The following MFSD12 variants were observed in gnomAD, a reference collection of about 807,000 sequenced individuals.
MFSD12 encodes the protein major facilitator superfamily domain containing 12.
In MFSD12, 67 loss-of-function variants were observed where a neutral mutation model predicts 51.2. The observed-to-expected ratio is 1.31, with a 90% CI of 1.08 to 1.60. The LOEUF is 1.60. Among genes scored for constraint, MFSD12 ranks in the 40% most tolerant of loss-of-function variants. The pLI is 0.00. For missense variants in MFSD12, 921 were observed against 673.0 expected, an observed-to-expected ratio of 1.37 and a Z score of -4.08; for synonymous variants, 441 against 316.7, an observed-to-expected ratio of 1.39 and a Z score of -4.17.
At chr19:3,554,660 A>T (rs2031646962) in intron 1 of MFSD12, among the ~76,000 whole-genome samples, 3 of 152,088 alleles carry the variant, frequency 2.0e-5, no homozygotes, top group African/African-American at 7.2e-5. Context: ...TCAAAACCTC[A>T]AAGTTAATGT....
rs373445296 is a variant in MFSD12 at position 3,551,221 on chromosome 19, G to A, written c.299-27C>T. The A allele has an allele frequency of 5.8e-6, 9 of 1,551,360 alleles. No individual in the cohort carries two copies. The highest frequency in any genetic ancestry group is 4.5e-4 in the Middle Eastern group (2 of 4,474). ...TGTGGAAGGCAGAGTGGTCAGTCGC[G>A]GGGCTGTCCCGCACCAGCCAGGGCT... On this transcript the variant is annotated intron_variant, in intron 1 of 9. Coordinates refer to ENST00000355415, the MANE Select transcript of MFSD12 (RefSeq NM_174983.5). This position sits in a 1 kb window ranked among gnomAD's most constrained non-coding sequence, Gnocchi z 4.6.
intron 8 of MFSD12, among the ~76,000 whole-genome samples, chr19:3,545,253 C>A (rs2030895724): frequency 6.6e-6 from 1 of 152,226 alleles, no homozygotes; most frequent in Non-Finnish European, 1.5e-5. Context: ...GTCCTCCCGG[C>A]AGCAACCACC....
chr19:3,545,197 C>A (rs1316953624), intron 8 of MFSD12, among the ~76,000 whole-genome samples: 1 of 152,204 alleles, frequency 6.6e-6, no homozygotes, highest in African/African-American at 2.4e-5. Context: ...GCATGGCCCG[C>A]CTGCACCCGC....
rs367702757 is a variant in MFSD12 at position 3,544,929 on chromosome 19, A to G, written c.1300T>C (p.Cys434Arg). 1.2e-4 allele frequency: 195 copies of G among 1,608,918 alleles called. No individual in the cohort carries two copies. The highest frequency in any genetic ancestry group is 1.5e-4 in the Non-Finnish European group (182 of 1,178,932). The change falls in exon 9 of 10, where the codon TGC (cysteine) becomes CGC (arginine). Residue 434 changes from cysteine to arginine, a missense_variant. Transcript: ENST00000355415. ...TAAAAGCTCACGCAGGCCCTGCAGC[A>G]GAGCTCTGAGCTGTGGGAGGAGGCG... ...QSLHPCPSEL[C>R]CRACVSFYHW... is the part of the protein sequence containing the mutation.
At chr19:3,539,424 C>T, downstream of MFSD12, 5 of 592,222 alleles carry the variant, frequency 8.4e-6, no homozygotes, top group South Asian at 1.0e-4. Flanking sequence ...TCCCCTCCGG[C>T]CAGTGGCCGC....
chr19:3,539,300 C>G, downstream of MFSD12: 1 of 1,222,644 alleles, frequency 8.2e-7, no homozygotes. Context: ...CCAGCCCCTC[C>G]CTCCCTCCCT....
At chr19:3,543,875 A>G (rs1051279667), downstream of MFSD12, 5 of 1,549,964 alleles carry the variant, frequency 3.2e-6, no homozygotes, top group Middle Eastern at 3.3e-4. Context: ...GGAGGGCATC[A>G]GACTACGTGC....
Position 3,546,165 on chromosome 19 carries a change from T to C in MFSD12, c.1198A>G (p.Ser400Gly). 2 of 1,612,946 alleles carry C rather than the reference T, an allele frequency of 1.2e-6. No individual in the cohort carries two copies. The highest frequency in any genetic ancestry group is 1.7e-6 in the Non-Finnish European group (2 of 1,179,816). Residue 400 changes from serine to glycine, a missense_variant, in exon 8 of 10, where the codon AGC becomes GGC. Transcript: ENST00000355415. The part of the protein sequence containing the change: ...TADLIGPHTN[S>G]GAFVYGSMSF... ...ATGGAGCCGTACACGAACGCTCCGC[T>C]GTTCTGTGGAGACACAGGCGAGGTG...
rs975396076 is a variant in MFSD12 at position 3,551,912 on chromosome 19, C to T, written c.299-718G>A. 6.6e-5 allele frequency among the ~76,000 whole-genome samples: 10 copies of T among 152,144 alleles called. No homozygotes were observed. The highest frequency in any genetic ancestry group is 2.4e-4 in the African/African-American group (10 of 41,426). ...CTTCAACATGCCAGGCGGTCCTGCCCCCGGGCCTTTGCATGGGCGTGCCTC... is the reference window on the plus strand; with the variant it reads ...CTTCAACATGCCAGGCGGTCCTGCCTCCGGGCCTTTGCATGGGCGTGCCTC... On this transcript the variant is annotated intron_variant, in intron 1 of 9. Transcript: ENST00000355415. This position sits in a 1 kb window ranked among gnomAD's most constrained non-coding sequence, Gnocchi z 4.6.
Position 3,544,346 on chromosome 19 carries a change from T to G in MFSD12, c.*364A>C. On this transcript the variant is annotated 3_prime_UTR_variant, in exon 10 of 10. Transcript: ENST00000355415. ...CCGTCCTGAGGGGGCCCTGGCAGTG[T>G]CTGGAGACCCCCAGGCTGGAGGTGA... 1 of 1,268,660 alleles carries G rather than the reference T, an allele frequency of 7.9e-7. No individual in the cohort carries two copies. Among genetic ancestry groups the G allele is most frequent in the Non-Finnish European group, 9.9e-7 (1 of 1,006,704 alleles). The allele number at this position is 1,268,660 out of a possible 1,614,324, so 78.6% of individuals were successfully genotyped here.
At chr19:3,541,700 G>T (rs146434539), downstream of MFSD12, 470 of 985,254 alleles carry the variant, frequency 4.8e-4, 1 homozygote, top group African/African-American at 7.6e-3. Context: ...GGGGGTGAGT[G>T]CATGTACCAC....
downstream of MFSD12, chr19:3,543,590 G>A (rs2030641621): frequency 2.6e-6 from 4 of 1,543,664 alleles, no homozygotes; most frequent in Non-Finnish European, 3.5e-6. Context: ...CGCCTGGCAT[G>A]ACCCCATCGT....
downstream of MFSD12, chr19:3,543,755 G>A (rs1278758021): frequency 4.7e-6 from 7 of 1,490,924 alleles, no homozygotes; most frequent in Non-Finnish European, 6.3e-6. Flanking sequence ...AAACTGCCCG[G>A]GGCGATCCAG....
intron 6 of MFSD12, among the ~76,000 whole-genome samples, chr19:3,547,006 G>C (rs974461504): frequency 7.2e-5 from 11 of 152,156 alleles, no homozygotes; most frequent in African/African-American, 2.7e-4. Context: ...GGCTAATTTT[G>C]TTTTTGTATC....
downstream of MFSD12, among the ~76,000 whole-genome samples, chr19:3,540,507 T>G (rs568805462): frequency 6.6e-6 from 1 of 151,132 alleles, no homozygotes; most frequent in African/African-American, 2.4e-5. Context: ...CTGCCCTCCT[T>G]GGCCTCCCAA....
At chr19:3,540,314 A>G (rs963013448), downstream of MFSD12, among the ~76,000 whole-genome samples, 2 of 151,368 alleles carry the variant, frequency 1.3e-5, no homozygotes, top group Non-Finnish European at 2.9e-5. Context: ...CTGGAACGCA[A>G]TGGTGCAATC....
downstream of MFSD12, chr19:3,542,697 G>C: frequency 2.4e-6 from 3 of 1,252,890 alleles, no homozygotes; most frequent in Non-Finnish European, 2.1e-6. Context: ...TGGCCAGGCT[G>C]GTCTCGAACT....
At chr19:3,549,519 T>G (rs2031334782) in intron 2 of MFSD12, among the ~76,000 whole-genome samples, 1 of 151,508 alleles carries the variant, frequency 6.6e-6, no homozygotes, top group African/African-American at 2.4e-5. Context: ...GGTCAGGAGT[T>G]CGAGACCAGC....
At chr19:3,539,560 T>G, downstream of MFSD12, 2 of 407,170 alleles carry the variant, frequency 4.9e-6, no homozygotes. Flanking sequence ...TCCAGGCCTG[T>G]GCGGGGCTGG....
Sources: allele counts gnomAD v4.1 joint callset (sites outside exome capture counted in the v4.1 genomes callset), GRCh38; gene constraint gnomAD v4.1.1; non-coding constraint Gnocchi (gnomAD v3.1); transcripts MANE v1.5; gene names NCBI Gene and HGNC (gene_info 2026-07-23, HGNC 2026-07-21).